Variants in PRKCA observed in about 807,000 individuals in gnomAD.
PRKCA encodes protein kinase C alpha.
PRKCA carries 27 observed loss-of-function variants against 87.0 expected under a neutral mutation model. The ratio of observed to expected loss-of-function variants is 0.31; its 90% confidence interval spans 0.23 to 0.43. The LOEUF (loss-of-function observed/expected upper bound fraction) is 0.43, where lower values mean the gene tolerates loss of function less well. Among genes scored for constraint, PRKCA ranks in the 20% least tolerant of loss-of-function variants. The pLI is 1.00. For missense variants in PRKCA, 518 were observed against 852.3 expected (o/e 0.61, Z 4.88); for synonymous variants, 329 against 311.1 (o/e 1.06, Z -0.61).
intron 8 of PRKCA, among the ~76,000 whole-genome samples, chr17:66,709,270 C>T (rs1028204357): frequency 2.7e-5 from 4 of 147,580 alleles, no homozygotes; most frequent in South Asian, 2.1e-4. Flanking sequence ...CTTCATGAAT[C>T]CTTGTAGAGA....
At chr17:66,462,565 A>G (rs1278129126) in intron 2 of PRKCA, among the ~76,000 whole-genome samples, 1 of 152,192 alleles carries the variant, frequency 6.6e-6, no homozygotes, top group Non-Finnish European at 1.5e-5. Flanking sequence ...TTTCTTTCTC[A>G]AAATAGATAA....
At chr17:66,755,274 G>A (rs893607149) in intron 13 of PRKCA, among the ~76,000 whole-genome samples, 2 of 152,188 alleles carry the variant, frequency 1.3e-5, no homozygotes, top group South Asian at 2.1e-4. Flanking sequence ...TTGGAGAAGC[G>A]CGGCATGGGG....
intron 3 of PRKCA, among the ~76,000 whole-genome samples, chr17:66,609,502 G>A (rs888323204): frequency 3.9e-5 from 6 of 152,134 alleles, no homozygotes; most frequent in Non-Finnish European, 7.3e-5. Context: ...CAGTCCTGTC[G>A]GTCTGACTTA....
intron 3 of PRKCA, among the ~76,000 whole-genome samples, chr17:66,593,870 G>A (rs1264438664): frequency 6.6e-6 from 1 of 152,130 alleles, no homozygotes; most frequent in Non-Finnish European, 1.5e-5. Context: ...GATCACCTGA[G>A]GTCAGGAGTT....
chr17:66,763,487 C>T (rs1265188352), intron 13 of PRKCA, among the ~76,000 whole-genome samples: 1 of 152,202 alleles, frequency 6.6e-6, no homozygotes, highest in Non-Finnish European at 1.5e-5. Flanking sequence ...ACGCGTCAGA[C>T]AGTGCTTTGA....
chr17:66,308,786 T>C (rs1904948864), intron 2 of PRKCA, among the ~76,000 whole-genome samples: 1 of 152,230 alleles, frequency 6.6e-6, no homozygotes, highest in African/African-American at 2.4e-5. Context: ...ACAAATATAG[T>C]TACCCAGCAT....
At chr17:66,721,512 C>A (rs1329223466) in intron 8 of PRKCA, among the ~76,000 whole-genome samples, 2 of 151,582 alleles carry the variant, frequency 1.3e-5, no homozygotes, top group Admixed American at 6.6e-5. Flanking sequence ...GTGGATTATT[C>A]ATGAGTTTTC....
At chr17:66,337,915 C>A (rs1906798603) in intron 2 of PRKCA, among the ~76,000 whole-genome samples, 1 of 151,496 alleles carries the variant, frequency 6.6e-6, no homozygotes, top group South Asian at 2.1e-4. Flanking sequence ...AGTCAAAAAG[C>A]CAATTAAAAA....
chr17:66,662,558 T>C (rs1274917931), intron 5 of PRKCA, among the ~76,000 whole-genome samples: 1 of 152,122 alleles, frequency 6.6e-6, no homozygotes, highest in Non-Finnish European at 1.5e-5. Flanking sequence ...TTAGTTTTGG[T>C]GCATGTGGTT....
intron 8 of PRKCA, among the ~76,000 whole-genome samples, chr17:66,692,731 C>T (rs1337427651): frequency 1.3e-5 from 2 of 152,204 alleles, no homozygotes; most frequent in African/African-American, 2.4e-5. Context: ...AACTGCCATT[C>T]TAACTTGCTT....
At chr17:66,632,955 T>C (rs1242710487) in intron 3 of PRKCA, among the ~76,000 whole-genome samples, 4 of 152,184 alleles carry the variant, frequency 2.6e-5, no homozygotes, top group Non-Finnish European at 5.9e-5. Context: ...CATCCAACTG[T>C]ATAGATGAGT....
chr17:66,786,031 T>C (rs1350260813), intron 14 of PRKCA, among the ~76,000 whole-genome samples: 5 of 152,174 alleles, frequency 3.3e-5, no homozygotes. Context: ...GGTTTCACCA[T>C]GTTAGCCAGG....
chr17:66,315,113 A>T (rs1048309719), intron 2 of PRKCA, among the ~76,000 whole-genome samples: 1 of 152,204 alleles, frequency 6.6e-6, no homozygotes, highest in South Asian at 2.1e-4. Flanking sequence ...GGGTTTTCTT[A>T]TACTTGAAAC....
At chr17:66,530,007 T>G (rs1967484389) in intron 3 of PRKCA, among the ~76,000 whole-genome samples, 1 of 152,216 alleles carries the variant, frequency 6.6e-6, no homozygotes, top group Non-Finnish European at 1.5e-5. Context: ...GTAGGATTCC[T>G]TTTGCTGCTA....
At chr17:66,476,149 C>A (rs1010156868) in intron 2 of PRKCA, among the ~76,000 whole-genome samples, 2 of 152,164 alleles carry the variant, frequency 1.3e-5, no homozygotes, top group Non-Finnish European at 2.9e-5. Flanking sequence ...ATTCGCCTGC[C>A]TCGGCCTCCC....
At position 66,520,204 on chromosome 17, in the gene PRKCA, G is replaced by A. The variant is rs541049466; in HGVS notation, c.288+23921G>A. Among the ~76,000 whole-genome samples the A allele has an allele frequency of 1.5e-3, 229 of 148,696 alleles. 1 individual carries two copies. Among genetic ancestry groups the A allele is most frequent in the African/African-American group, 5.3e-3 (213 of 40,178 alleles). On this transcript the variant is annotated intron_variant, in intron 3 of 16. Transcript: ENST00000413366. ...TGCAATAGTGTGATCTCAGCTCGCC[G>A]CAACCTCCTGGGTTCAAGCAATTCT... is the stretch of plus-strand genomic sequence containing the variant.
intron 5 of PRKCA, among the ~76,000 whole-genome samples, chr17:66,647,858 G>A (rs1331695142): frequency 6.6e-6 from 1 of 152,118 alleles, no homozygotes; most frequent in Admixed American, 6.6e-5. Context: ...AGTCCCTTGA[G>A]AATTAGTTTA....
intron 2 of PRKCA, among the ~76,000 whole-genome samples, chr17:66,362,911 C>T (rs1006058180): frequency 1.3e-5 from 2 of 152,144 alleles, no homozygotes; most frequent in African/African-American, 4.8e-5. Context: ...CCAGGCTGGT[C>T]TCAAACTCCT....
intron 2 of PRKCA, among the ~76,000 whole-genome samples, chr17:66,309,671 G>C (rs538674748): frequency 6.6e-6 from 1 of 152,212 alleles, no homozygotes; most frequent in Non-Finnish European, 1.5e-5. Context: ...CAGCTCTGAA[G>C]TGACCCTTTT....
Sources: allele counts gnomAD v4.1 joint callset (sites outside exome capture counted in the v4.1 genomes callset), GRCh38; gene constraint gnomAD v4.1.1; transcripts MANE v1.5; gene names NCBI Gene and HGNC (gene_info 2026-07-23, HGNC 2026-07-21).